The following PCDH15 variants were observed in gnomAD, a reference collection of about 807,000 sequenced individuals.
PCDH15 encodes the protein protocadherin related 15, also known as protocadherin-15.
In PCDH15, 129 loss-of-function variants were observed where a neutral mutation model predicts 178.5. That is an observed-to-expected ratio of 0.72 (90% CI 0.63 to 0.84). The LOEUF (loss-of-function observed/expected upper bound fraction) is 0.84, where lower values mean the gene tolerates loss of function less well. Among genes scored for constraint, PCDH15 ranks in the 40% least tolerant of loss-of-function variants. The pLI is 0.00. For missense variants in PCDH15, 2,230 were observed against 2,099.9 expected (o/e 1.06, Z -1.21); for synonymous variants, 800 against 732.0 (o/e 1.09, Z -1.50).
At chr10:54,983,109 T>C (rs1462799674) in intron 2 of PCDH15, among the ~76,000 whole-genome samples, 4 of 152,126 alleles carry the variant, frequency 2.6e-5, no homozygotes, top group African/African-American at 9.7e-5. Context: ...ACACAAACAC[T>C]ACCAATGAAA....
intron 18 of PCDH15, among the ~76,000 whole-genome samples, chr10:54,041,744 G>A (rs1253533336): frequency 6.6e-6 from 1 of 151,970 alleles, no homozygotes; most frequent in East Asian, 1.9e-4. Flanking sequence ...AATATTGTGG[G>A]TTCAAAAAGG....
chr10:54,716,622 CTT>C (rs1402334932), intron 1 of PCDH15, among the ~76,000 whole-genome samples: 1 of 152,040 alleles, frequency 6.6e-6, no homozygotes, highest in African/African-American at 2.4e-5. Flanking sequence ...TATCCTGAGA[CTT>C]TGCTGAAGTT....
At position 54,399,302 on chromosome 10, in the gene PCDH15, A is replaced by C. The variant is rs1051900148; in HGVS notation, c.158-20360T>G. Among the ~76,000 whole-genome samples the C allele has an allele frequency of 9.2e-5, 14 of 151,726 alleles. No homozygotes were observed. In the Middle Eastern group the frequency reaches 0.01, roughly 114 times the overall value. ...ATGATTAAATATAATATAAATATAA[A>C]TAATATAATGATTAAAGATGGGAGG... On this transcript the variant is annotated intron_variant, in intron 3 of 37. Coordinates refer to ENST00000644397, the MANE Select transcript of PCDH15 (RefSeq NM_001384140.1).
At chr10:55,328,586 A>G (rs1844099599) in intron 2 of PCDH15, among the ~76,000 whole-genome samples, 1 of 151,626 alleles carries the variant, frequency 6.6e-6, no homozygotes, top group Non-Finnish European at 1.5e-5. Context: ...GGCTGTATAT[A>G]TACTCAACAC....
intron 2 of PCDH15, among the ~76,000 whole-genome samples, chr10:55,134,166 T>C (rs1271444355): frequency 1.3e-5 from 2 of 152,134 alleles, no homozygotes; most frequent in Non-Finnish European, 1.5e-5. Context: ...CTGCCTGACA[T>C]TTACAGTCCT....
At chr10:54,694,572 C>A (rs1029888672) in intron 1 of PCDH15, among the ~76,000 whole-genome samples, 1 of 151,806 alleles carries the variant, frequency 6.6e-6, no homozygotes, top group Non-Finnish European at 1.5e-5. Context: ...GTCTCTGTGT[C>A]TATGTTTTGG....
intron 2 of PCDH15, among the ~76,000 whole-genome samples, chr10:55,488,394 G>T (rs1840344260): frequency 6.6e-6 from 1 of 151,530 alleles, no homozygotes; most frequent in Non-Finnish European, 1.5e-5. Context: ...TACATTAGCA[G>T]AACATAGCCT....
intron 1 of PCDH15, among the ~76,000 whole-genome samples, chr10:54,752,358 T>G (rs1946362339): frequency 6.6e-6 from 1 of 151,308 alleles, no homozygotes; most frequent in Non-Finnish European, 1.5e-5. Flanking sequence ...GCGCCTGTAG[T>G]CCCAGCTACT....
intron 2 of PCDH15, among the ~76,000 whole-genome samples, chr10:55,020,940 G>C (rs1271817591): frequency 6.6e-6 from 1 of 152,120 alleles, no homozygotes; most frequent in African/African-American, 2.4e-5. Flanking sequence ...CAAAAATGCA[G>C]ATTCACAGAG....
At chr10:55,313,611 T>C (rs966119744) in intron 1 of PCDH15, among the ~76,000 whole-genome samples, 1 of 152,224 alleles carries the variant, frequency 6.6e-6, no homozygotes, top group African/African-American at 2.4e-5. Flanking sequence ...AAAATTTCTA[T>C]AGTGGTATTT....
intron 2 of PCDH15, among the ~76,000 whole-genome samples, chr10:54,580,859 CATCTCCAT>C (rs1457597519): frequency 2.2e-4 from 33 of 152,032 alleles, no homozygotes; most frequent in East Asian, 9.7e-4. Context: ...TAATTATGAT[CATCTCCAT>C]AGATGCAGAG....
chr10:54,259,736 A>G (rs931269288), intron 8 of PCDH15, among the ~76,000 whole-genome samples: 3 of 152,110 alleles, frequency 2.0e-5, no homozygotes, highest in East Asian at 1.9e-4. Flanking sequence ...TATAAACTCA[A>G]TTGTGTCCTA....
intron 18 of PCDH15, among the ~76,000 whole-genome samples, chr10:54,059,873 G>C (rs2093978204): frequency 6.6e-6 from 1 of 152,208 alleles, no homozygotes. Context: ...ATTTAGAATA[G>C]TTCGTGGCAC....
intron 26 of PCDH15, among the ~76,000 whole-genome samples, chr10:53,893,244 A>C (rs1424223639): frequency 6.6e-6 from 1 of 152,228 alleles, no homozygotes; most frequent in African/African-American, 2.4e-5. Context: ...ACTATGATAC[A>C]TGGATAACAT....
At chr10:55,315,242 T>A (rs1843694298) in intron 1 of PCDH15, among the ~76,000 whole-genome samples, 1 of 152,194 alleles carries the variant, frequency 6.6e-6, no homozygotes, top group Non-Finnish European at 1.5e-5. Context: ...TTGGTATTTT[T>A]CTTAGACTAT....
intron 37 of PCDH15, among the ~76,000 whole-genome samples, chr10:53,809,932 C>T (rs1456352713): frequency 6.6e-6 from 1 of 152,088 alleles, no homozygotes; most frequent in African/African-American, 2.4e-5. Context: ...TTTCAATAAT[C>T]ACGAAAATAT....
chr10:54,713,465 C>T (rs892173671), intron 1 of PCDH15, among the ~76,000 whole-genome samples: 6 of 152,126 alleles, frequency 3.9e-5, no homozygotes. Context: ...CAAATTGCAG[C>T]TTTATGCTAA....
chr10:54,259,921 C>G (rs1011199938), intron 8 of PCDH15, among the ~76,000 whole-genome samples: 1 of 152,094 alleles, frequency 6.6e-6, no homozygotes, highest in African/African-American at 2.4e-5. Flanking sequence ...TGGCCTTAAT[C>G]TAGACTAAAA....
At chr10:54,521,788 T>G (rs2082891154) in intron 3 of PCDH15, among the ~76,000 whole-genome samples, 2 of 152,140 alleles carry the variant, frequency 1.3e-5, no homozygotes. Flanking sequence ...GAGTAAAATA[T>G]ATTTTTAAAT....
Sources: gnomAD v4.1 joint callset for allele counts (sites outside exome capture counted in the v4.1 genomes callset) on GRCh38, gnomAD v4.1.1 for gene constraint, MANE v1.5 for transcripts, NCBI Gene and HGNC (gene_info 2026-07-23, HGNC 2026-07-21) for gene names.